CSMD1: variants seen among roughly 807,000 people sequenced by gnomAD.
CSMD1 encodes CUB and sushi domain-containing protein 1.
Under a neutral mutation model 417.5 loss-of-function variants are expected in CSMD1, and 213 were observed. The ratio of observed to expected loss-of-function variants is 0.51; its 90% CI spans 0.46 to 0.57. The LOEUF is 0.57. CSMD1 is among the 20% of genes least tolerant of loss of function. The probability of loss-of-function intolerance (pLI) is 0.00; values close to 1 mark genes in which losing one functional copy is unlikely to be tolerated. For missense variants in CSMD1, 6,923 were observed against 4,529.7 expected (o/e 1.53, Z -15.17); for synonymous variants, 2,862 against 1,736.8 (o/e 1.65, Z -16.11).
At chr8:3,057,248 C>G (rs1272127526) in intron 49 of CSMD1, among the ~76,000 whole-genome samples, 1 of 152,140 alleles carries the variant, frequency 6.6e-6, no homozygotes, top group Non-Finnish European at 1.5e-5. Flanking sequence ...ACATCATCAT[C>G]TTAATGGTTA....
intron 55 of CSMD1, 93 bp downstream of exon 55, chr8:2,978,519 A>T: frequency 1.0e-6 from 1 of 1,004,914 alleles, no homozygotes; most frequent in Non-Finnish European, 1.4e-6. Context: ...AGGAATTAAA[A>T]TTCAGTGCCT....
chr8:4,434,065 T>A (rs371406372), intron 2 of CSMD1, among the ~76,000 whole-genome samples: 7 of 152,178 alleles, frequency 4.6e-5, no homozygotes, highest in African/African-American at 1.7e-4. Flanking sequence ...GGGCTGGACA[T>A]TGGGACTCAC....
chr8:3,098,070 T>C (rs945111857), intron 46 of CSMD1, among the ~76,000 whole-genome samples: 3 of 152,240 alleles, frequency 2.0e-5, no homozygotes, highest in Non-Finnish European at 2.9e-5. Flanking sequence ...TAATTAGTAA[T>C]TTCTCTCATC....
chr8:4,446,747 G>C (rs866153111), intron 2 of CSMD1, among the ~76,000 whole-genome samples: 31 of 98,760 alleles, frequency 3.1e-4, no homozygotes, highest in African/African-American at 1.3e-3. Context: ...GTGTGTGTGT[G>C]TGTGTGTCTG....
At chr8:4,243,750 C>T (rs1802538070) in intron 3 of CSMD1, among the ~76,000 whole-genome samples, 1 of 152,084 alleles carries the variant, frequency 6.6e-6, no homozygotes, top group Non-Finnish European at 1.5e-5. Flanking sequence ...CTCATTTTGC[C>T]GTGTCATCAT....
chr8:4,740,443 G>A (rs1333440558), intron 1 of CSMD1, among the ~76,000 whole-genome samples: 1 of 152,176 alleles, frequency 6.6e-6, no homozygotes, highest in Non-Finnish European at 1.5e-5. Context: ...AACACTGAAT[G>A]CAATCCTAGG....
chr8:4,985,626 A>G (rs570389478), intron 1 of CSMD1, among the ~76,000 whole-genome samples: 8 of 152,246 alleles, frequency 5.3e-5, no homozygotes, highest in African/African-American at 1.9e-4. Context: ...CACATTAATC[A>G]ATAAAACTAA....
chr8:4,026,263 T>A (rs1489695316), intron 4 of CSMD1, among the ~76,000 whole-genome samples: 4 of 152,210 alleles, frequency 2.6e-5, no homozygotes, highest in Admixed American at 2.6e-4. Context: ...AAATAACATG[T>A]AATGGAACGC....
chr8:3,303,854 C>T (rs575358978), intron 25 of CSMD1, among the ~76,000 whole-genome samples: 6 of 152,242 alleles, frequency 3.9e-5, no homozygotes, highest in South Asian at 2.1e-4. Context: ...TTAAATTTGG[C>T]TCAGGTAACT....
chr8:3,901,001 G>C (rs547533073), intron 5 of CSMD1, among the ~76,000 whole-genome samples: 2 of 152,304 alleles, frequency 1.3e-5, no homozygotes, highest in African/African-American at 4.8e-5. Context: ...ATTGCTAGCT[G>C]TCATAGTGTT....
At chr8:4,070,616 C>G (rs956266932) in intron 3 of CSMD1, among the ~76,000 whole-genome samples, 1 of 152,128 alleles carries the variant, frequency 6.6e-6, no homozygotes, top group African/African-American at 2.4e-5. Flanking sequence ...CTCGGCCTCC[C>G]AAAGTGCTGG....
rs755108433 is a variant in CSMD1, at chr8:3,308,414, G to C, written c.3721C>G (p.Leu1241Val). 1 of 1,613,542 alleles carries C rather than the reference G, an allele frequency of 6.2e-7. No homozygotes were observed. The highest frequency in any genetic ancestry group is 8.5e-7 in the Non-Finnish European group (1 of 1,179,516). The change falls in exon 24 of 70, where the codon CTG (leucine) becomes GTG (valine). Residue 1241 changes from leucine to valine, a missense_variant. By Grantham distance (32) the Leu-to-Val change is conservative. Transcript: ENST00000635120. ...GCGTACCCCGGGTTGCAACTGTACA[G>C]AACTACAGTGTCGGTAAAGTGGCCT... ...DEGHFTDTVVLYSCNPGYAMH... is the reference protein window; with the variant it reads ...DEGHFTDTVVVYSCNPGYAMH...
intron 1 of CSMD1, among the ~76,000 whole-genome samples, chr8:4,752,524 T>G (rs1427466760): frequency 6.6e-6 from 1 of 152,134 alleles, no homozygotes; most frequent in Non-Finnish European, 1.5e-5. Context: ...AATACCTCTT[T>G]GAAACTCAAA....
intron 20 of CSMD1, among the ~76,000 whole-genome samples, chr8:3,366,746 G>A (rs1374062625): frequency 6.6e-6 from 1 of 152,152 alleles, no homozygotes; most frequent in Non-Finnish European, 1.5e-5. Context: ...AGAATCGAGT[G>A]AGAAGGGCTT....
intron 10 of CSMD1, among the ~76,000 whole-genome samples, chr8:3,542,954 C>T (rs941570989): frequency 6.6e-6 from 1 of 151,818 alleles, no homozygotes; most frequent in Non-Finnish European, 1.5e-5. Flanking sequence ...GACCCGCTGG[C>T]AGTGAATATG....
chr8:3,098,945 G>A (rs368090321), intron 46 of CSMD1, among the ~76,000 whole-genome samples: 3 of 151,540 alleles, frequency 2.0e-5, no homozygotes, highest in Admixed American at 6.6e-5. Flanking sequence ...TAAGGACTAG[G>A]GATGATTACA....
At chr8:3,840,267 G>C (rs946671145) in intron 5 of CSMD1, among the ~76,000 whole-genome samples, 1 of 152,104 alleles carries the variant, frequency 6.6e-6, no homozygotes. Context: ...TGGTGAAACA[G>C]ATGTTCAAGA....
chr8:3,367,289 GAC>G (rs1563316748), intron 19 of CSMD1, 42 bp from the exon 20 acceptor site: 1 of 1,431,304 alleles, frequency 7.0e-7, no homozygotes, highest in Non-Finnish European at 9.7e-7. Flanking sequence ...GACAGAGAGA[GAC>G]ACACGGGGCG....
At chr8:4,980,409 G>A (rs73659428) in intron 1 of CSMD1, among the ~76,000 whole-genome samples, 3 of 152,180 alleles carry the variant, frequency 2.0e-5, no homozygotes, top group Non-Finnish European at 2.9e-5. Context: ...GGCAGGTCTG[G>A]TCTTGTGTGT....
Sources: gnomAD v4.1 joint callset for allele counts (sites outside exome capture counted in the v4.1 genomes callset) on GRCh38, gnomAD v4.1.1 for gene constraint, MANE v1.5 for transcripts, NCBI Gene and HGNC (gene_info 2026-07-23, HGNC 2026-07-21) for gene names.